The following TMEM44 variants were observed in gnomAD, a reference collection of about 807,000 sequenced individuals.
TMEM44 encodes transmembrane protein 44.
A neutral mutation model predicts 47.8 loss-of-function variants in TMEM44; 43 were observed. That is an observed-to-expected ratio of 0.90 (90% CI 0.70 to 1.16). The LOEUF is 1.16. TMEM44 is among the 50% of genes most tolerant of loss of function. The pLI is 0.00. For synonymous variants in TMEM44, 277 were observed against 238.8 expected (o/e 1.16, Z -1.48); for missense variants, 568 against 555.2 (o/e 1.02, Z -0.23).
intron 7 of TMEM44, among the ~76,000 whole-genome samples, chr3:194,612,542 C>T (rs1000257443): frequency 1.3e-5 from 2 of 151,486 alleles, no homozygotes; most frequent in South Asian, 2.1e-4. Context: ...GGAAGTTACT[C>T]ACAGCCTCAC....
In TMEM44 at chr3:194,625,875, GAA is replaced by G; in HGVS notation, c.358+20_358+21del. ...TGAATGAATGGGTGAATAAAGACAG[GAA>G]AAGACAGCCACACACTCACCTGAAT... On this transcript the variant is annotated intron_variant, in intron 3 of 9. Coordinates refer to ENST00000347147, the MANE Select transcript of TMEM44 (RefSeq NM_001011655.3). The G allele has an allele frequency of 6.3e-7, 1 of 1,594,140 alleles. No homozygotes were observed. The highest frequency in any genetic ancestry group is 8.6e-7 in the Non-Finnish European group (1 of 1,162,216).
intron 3 of TMEM44, among the ~76,000 whole-genome samples, chr3:194,624,582 C>A (rs1457914989): frequency 6.6e-6 from 1 of 151,792 alleles, no homozygotes; most frequent in Non-Finnish European, 1.5e-5. Flanking sequence ...TCATGCCCAG[C>A]TACTTTTTAA....
At chr3:194,592,173 G>C (rs935411010) in intron 9 of TMEM44, among the ~76,000 whole-genome samples, 7 of 149,344 alleles carry the variant, frequency 4.7e-5, no homozygotes, top group African/African-American at 1.7e-4. Flanking sequence ...AGCCGAGATC[G>C]CACCACTGCA....
intron 6 of TMEM44, chr3:194,616,876 C>A (rs1715954861): frequency 1.7e-6 from 1 of 574,294 alleles, no homozygotes; most frequent in African/African-American, 1.9e-5. Flanking sequence ...GCCTGGGCAA[C>A]ACAGCGAGAC....
intron 1 of TMEM44, among the ~76,000 whole-genome samples, chr3:194,631,403 AG>A (rs1717814926): frequency 6.6e-6 from 1 of 151,602 alleles, no homozygotes; most frequent in Admixed American, 6.6e-5. Flanking sequence ...GCTGATTCTG[AG>A]CGCCTGTCCT....
intron 1 of TMEM44, among the ~76,000 whole-genome samples, chr3:194,629,608 C>A (rs1020784018): frequency 6.6e-6 from 1 of 151,806 alleles, no homozygotes; most frequent in Non-Finnish European, 1.5e-5. Flanking sequence ...CTGTTTCTAT[C>A]GGCGTCCCTG....
At chr3:194,625,138 TGTG>T (rs1191327191) in intron 3 of TMEM44, among the ~76,000 whole-genome samples, 1 of 152,244 alleles carries the variant, frequency 6.6e-6, no homozygotes, top group East Asian at 1.9e-4. Flanking sequence ...CTGCTGTGCC[TGTG>T]GTGGTGCCCT....
chr3:194,595,755 A>G (rs1713328556), intron 9 of TMEM44, among the ~76,000 whole-genome samples: 1 of 151,680 alleles, frequency 6.6e-6, no homozygotes, highest in Non-Finnish European at 1.5e-5. Flanking sequence ...CCTCCTGAGT[A>G]GCTGGGATTA....
chr3:194,611,736 T>C lies in TMEM44; in HGVS notation c.913-716A>G, dbSNP rs1296674863. Among the ~76,000 whole-genome samples, 4 of 152,026 alleles carry C rather than the reference T, an allele frequency of 2.6e-5. No homozygotes were observed. The highest frequency in any genetic ancestry group is 2.1e-4 in the South Asian group (1 of 4,826). ...CCTGTGGGTTTTGCTAAAATACAGA[T>C]TGCAGCCGGGCGCGGTGGCTCACGC... On this transcript the variant is annotated intron_variant, in intron 7 of 9. Coordinates refer to ENST00000347147, the MANE Select transcript of TMEM44 (RefSeq NM_001011655.3). The surrounding 1 kb of genome is among the most constrained non-coding windows in gnomAD (Gnocchi z 4.2).
At chr3:194,592,079 G>A (rs535224955) in intron 9 of TMEM44, among the ~76,000 whole-genome samples, 6 of 152,128 alleles carry the variant, frequency 3.9e-5, no homozygotes, top group East Asian at 3.9e-4. Flanking sequence ...TTAGCCGGGC[G>A]CGGTGGCGGG....
At chr3:194,603,940 G>C (rs1714458575) in intron 9 of TMEM44, among the ~76,000 whole-genome samples, 1 of 151,586 alleles carries the variant, frequency 6.6e-6, no homozygotes, top group Non-Finnish European at 1.5e-5. Context: ...TGCAACCTCT[G>C]CCTCCCAGGT....
chr3:194,628,678 T>C (rs1717440627), intron 1 of TMEM44, among the ~76,000 whole-genome samples, 169 bp from the exon 2 acceptor site: 1 of 152,060 alleles, frequency 6.6e-6, no homozygotes. Flanking sequence ...ATCAGAAGAC[T>C]CCAGAGCCGC....
chr3:194,622,041 C>T (rs1037684039), intron 5 of TMEM44, among the ~76,000 whole-genome samples: 1 of 152,236 alleles, frequency 6.6e-6, no homozygotes, highest in Non-Finnish European at 1.5e-5. Context: ...GGGCCTATGA[C>T]TTGCCATGGA....
rs369611318 is a variant in TMEM44, at chr3:194,617,118, C to T, written c.764G>A (p.Arg255His). 338 of 1,550,238 alleles carry T rather than the reference C, an allele frequency of 2.2e-4. No individual in the cohort carries two copies. The highest frequency in any genetic ancestry group is 2.7e-4 in the Non-Finnish European group (313 of 1,148,044). ...ATPWFLTSLG[R>H]AALDLAIIFL... is the part of the protein sequence containing the mutation. ...GGATACAGCGAGGTCCAGTGCCGCA[C>T]GGCCGAGGGAGGTCAGGAACCAGGG... Residue 255 changes from arginine to histidine, a missense_variant, in exon 6 of 10, where the codon CGT becomes CAT. By Grantham distance (29) the Arg-to-His change is conservative (BLOSUM62 0). Transcript: ENST00000347147.
At chr3:194,628,148 C>A (rs553613286) in intron 2 of TMEM44, among the ~76,000 whole-genome samples, 22 of 152,260 alleles carry the variant, frequency 1.4e-4, no homozygotes, top group African/African-American at 5.3e-4. Flanking sequence ...TGCTCCTGGC[C>A]GTGAGAAGTG....
chr3:194,595,150 T>C (rs1042091796), intron 9 of TMEM44, among the ~76,000 whole-genome samples: 18 of 152,230 alleles, frequency 1.2e-4, no homozygotes, highest in Non-Finnish European at 2.5e-4. Flanking sequence ...CTCTGAAACA[T>C]GTATGTATTA....
At chr3:194,622,213 T>C (rs1423103128) in intron 5 of TMEM44, among the ~76,000 whole-genome samples, 1 of 152,238 alleles carries the variant, frequency 6.6e-6, no homozygotes, top group Non-Finnish European at 1.5e-5. Flanking sequence ...CCTCTGCCGA[T>C]GGCCTTTCCC....
rs1237108079 is a variant in TMEM44 at position 194,611,634 on chromosome 3, C to T, written c.913-614G>A. 6.6e-6 allele frequency among the ~76,000 whole-genome samples: 1 copy of T among 152,160 alleles called. No individual in the cohort carries two copies. Among genetic ancestry groups the T allele is most frequent in the Non-Finnish European group, 1.5e-5 (1 of 68,032 alleles). On this transcript the variant is annotated intron_variant, in intron 7 of 9. Coordinates refer to ENST00000347147, the MANE Select transcript of TMEM44 (RefSeq NM_001011655.3). This position sits in a 1 kb window ranked among gnomAD's most constrained non-coding sequence, Gnocchi z 4.2. ...TGATTCTAACGTGCGGCCAAGTTTG[C>T]GAACCACTGCAATAGGTGCCCAATA...
intron 9 of TMEM44, among the ~76,000 whole-genome samples, chr3:194,599,376 G>A (rs1323750667): frequency 6.6e-6 from 1 of 152,120 alleles, no homozygotes; most frequent in Non-Finnish European, 1.5e-5. Flanking sequence ...CACTTCACCT[G>A]CTCAAAGACA....
Sources: allele counts gnomAD v4.1 joint callset (sites outside exome capture counted in the v4.1 genomes callset), GRCh38; gene constraint gnomAD v4.1.1; non-coding constraint Gnocchi (gnomAD v3.1); transcripts MANE v1.5; gene names NCBI Gene and HGNC (gene_info 2026-07-23, HGNC 2026-07-21).